The following MAP3K3 variants were observed in gnomAD, a reference collection of about 807,000 sequenced individuals.
The protein encoded by MAP3K3 is MAP/ERK kinase kinase 3.
Under a neutral mutation model 80.9 loss-of-function variants are expected in MAP3K3, and 12 were observed. The observed-to-expected ratio is 0.15, with a 90% CI of 0.10 to 0.24. The LOEUF is 0.24. Ranked by LOEUF, MAP3K3 falls within the 10% of genes least tolerant of loss-of-function variation. The pLI is 1.00. For missense variants in MAP3K3, 596 were observed against 834.7 expected, an observed-to-expected ratio of 0.71 and a Z score of 3.52; for synonymous variants, 272 against 307.1, an observed-to-expected ratio of 0.89 and a Z score of 1.19.
chr17:63,690,260 G>T lies in MAP3K3; in HGVS notation c.1064-4G>T. 6.2e-7 allele frequency: 1 copy of T among 1,613,402 alleles called. No individual in the cohort carries two copies. The highest frequency in any genetic ancestry group is 8.5e-7 in the Non-Finnish European group (1 of 1,179,690). ...AGTAACTCTTTCCTTCTGCTCTCCT[G>T]TAGCTCCCAGTGCCCCCATCAACTG... On this transcript the variant is annotated splice_region_variant and splice_polypyrimidine_tract_variant and intron_variant, in intron 11 of 15. Transcript: ENST00000361733.
At position 63,692,487 on chromosome 17, in the gene MAP3K3, C is replaced by A; in HGVS notation, c.1652+68C>A. ...ATAGTGGCCCCCCATTAGAAACACA[C>A]CCTGGGGACTTTGTGGTGTGGCAGG... is the stretch of plus-strand genomic sequence containing the variant. On this transcript the variant is annotated intron_variant, in intron 15 of 15. Transcript: ENST00000361733. The surrounding 1 kb of genome is among the most constrained non-coding windows in gnomAD (Gnocchi z 4.5). The A allele has an allele frequency of 1.3e-6, 2 of 1,483,624 alleles. No homozygotes were observed. Among genetic ancestry groups the A allele is most frequent in the Non-Finnish European group, 1.8e-6 (2 of 1,107,628 alleles). The allele number at this position is 1,483,624 out of a possible 1,614,324, so 91.9% of individuals were successfully genotyped here.
intron 7 of MAP3K3, among the ~76,000 whole-genome samples, chr17:63,683,878 C>G (rs1430563041): frequency 6.6e-6 from 1 of 151,918 alleles, no homozygotes; most frequent in Non-Finnish European, 1.5e-5. Flanking sequence ...TATGTCAGTC[C>G]GGTCGCAGTG....
chr17:63,627,426 C>T (rs546465782), intron 1 of MAP3K3, among the ~76,000 whole-genome samples: 137 of 151,956 alleles, frequency 9.0e-4, no homozygotes, highest in African/African-American at 2.9e-3. Flanking sequence ...AACTTGTTCA[C>T]GTGTAAAGTT....
intron 12 of MAP3K3, 126 bp downstream of exon 12, chr17:63,690,538 C>A: frequency 1.9e-6 from 2 of 1,031,096 alleles, no homozygotes; most frequent in Non-Finnish European, 1.4e-6. Flanking sequence ...AACTCCCTTT[C>A]TGTCCATCCT....
In MAP3K3 at chr17:63,691,724, G is replaced by T. The variant is rs1223539325; in HGVS notation, c.1345-9G>T. 1.2e-6 allele frequency: 2 copies of T among 1,611,986 alleles called. No homozygotes were observed. The highest frequency in any genetic ancestry group is 4.5e-5 in the East Asian group (2 of 44,816). ...TGAGGGGACTCCTCTGACTTCTTGTGGCCTCCAGGGCTCGGTGAAAGACCA... is the reference window on the plus strand; with the variant it reads ...TGAGGGGACTCCTCTGACTTCTTGTTGCCTCCAGGGCTCGGTGAAAGACCA... On this transcript the variant is annotated splice_polypyrimidine_tract_variant and intron_variant, in intron 13 of 15. Transcript: ENST00000361733. This position sits in a 1 kb window ranked among gnomAD's most constrained non-coding sequence, Gnocchi z 4.8.
chr17:63,646,134 T>C lies in MAP3K3; in HGVS notation c.167+60T>C. 5 of 1,483,642 alleles carry C rather than the reference T, an allele frequency of 3.4e-6. No individual in the cohort carries two copies. The South Asian group carries it at 4.6e-5, about 14-fold the overall frequency. 91.9% of individuals were successfully genotyped at this position (1,483,642 alleles called of 1,614,324 possible). ...GTATGCCAAAGTTCTCAGATAGCAT[T>C]GAGTTCATGGAAGTCATTCCCCTGT... is the stretch of plus-strand genomic sequence containing the variant. On this transcript the variant is annotated intron_variant, in intron 3 of 15. Coordinates refer to ENST00000361733, the MANE Select transcript of MAP3K3 (RefSeq NM_002401.5).
At position 63,689,691 on chromosome 17, in the gene MAP3K3, G is replaced by A; in HGVS notation, c.1019G>A (p.Ser340Asn). 1.2e-6 allele frequency: 2 copies of A among 1,613,994 alleles called. No homozygotes were observed. The highest frequency in any genetic ancestry group is 8.5e-7 in the Non-Finnish European group (1 of 1,179,930). The change falls in exon 11 of 16, where the codon AGC becomes AAC. Residue 340 changes from serine to asparagine, a missense_variant. This residue lies in a region of MAP3K3 where 364 missense variants were observed against 588.9 expected (regional missense o/e 0.62). Coordinates refer to ENST00000361733, the MANE Select transcript of MAP3K3 (RefSeq NM_002401.5). This position sits in a 1 kb window ranked among gnomAD's most constrained non-coding sequence, Gnocchi z 4.3. Reference protein sequence around the residue: ...DPRGRLRSADSENALSVQERN... With the variant: ...DPRGRLRSADNENALSVQERN... ...CGTGGGCGCCTGCGGAGTGCGGACA[G>A]CGAGAATGCCCTCTCTGTGCAGGAG...
intron 6 of MAP3K3, among the ~76,000 whole-genome samples, chr17:63,680,742 G>A (rs1362031424): frequency 6.6e-6 from 1 of 150,892 alleles, no homozygotes; most frequent in East Asian, 1.9e-4. Context: ...GAAAGTACCT[G>A]TTAATTGGTT....
chr17:63,650,888 G>A (rs7217642), intron 3 of MAP3K3, among the ~76,000 whole-genome samples: 2,549 of 151,942 alleles, frequency 0.017, 66 homozygotes, highest in African/African-American at 0.059. Context: ...GTAGGCAGGA[G>A]GGCTCACTAT....
chr17:63,672,005 AG>A (rs1372973741), intron 6 of MAP3K3, among the ~76,000 whole-genome samples: 1 of 151,972 alleles, frequency 6.6e-6, no homozygotes, highest in African/African-American at 2.4e-5. Flanking sequence ...AAATGAGGCC[AG>A]GTTTGGTGGC....
chr17:63,657,908 G>A lies in MAP3K3; in HGVS notation c.381+1G>A. On this transcript the variant is annotated splice_donor_variant, in intron 5 of 15. Coordinates refer to ENST00000361733, the MANE Select transcript of MAP3K3 (RefSeq NM_002401.5). LOFTEE classifies it high-confidence loss of function. ...GCTGTTGTCCCAGGACAGAAACCAT[G>A]TAAGTAGCCCTTGTCATGGTCTGGC... is the stretch of plus-strand genomic sequence containing the variant. The A allele has an allele frequency of 6.5e-6, 10 of 1,532,628 alleles. No individual in the cohort carries two copies. The highest frequency in any genetic ancestry group is 9.0e-6 in the Non-Finnish European group (10 of 1,112,492). The allele number at this position is 1,532,628 out of a possible 1,614,324, so 94.9% of individuals were successfully genotyped here. A position where few individuals can be genotyped will look rare whatever the true frequency, so the allele number is the denominator to read the frequency against.
chr17:63,633,530 A>G (rs145520146), intron 2 of MAP3K3, among the ~76,000 whole-genome samples: 2 of 152,322 alleles, frequency 1.3e-5, no homozygotes, highest in African/African-American at 4.8e-5. Context: ...GGCAATAATG[A>G]GTGATTTTGT....
At chr17:63,643,554 A>G (rs1005974240) in intron 2 of MAP3K3, among the ~76,000 whole-genome samples, 2 of 152,158 alleles carry the variant, frequency 1.3e-5, no homozygotes, top group Non-Finnish European at 2.9e-5. Context: ...TACAAAGGGG[A>G]GAAGGATATA....
chr17:63,630,762 A>C (rs1008965551), intron 1 of MAP3K3, among the ~76,000 whole-genome samples: 1 of 152,180 alleles, frequency 6.6e-6, no homozygotes, highest in Non-Finnish European at 1.5e-5. Flanking sequence ...CCTTTACTGC[A>C]TGCTTTCTAT....
chr17:63,658,238 C>G (rs77341200), intron 5 of MAP3K3, among the ~76,000 whole-genome samples: 1 of 152,140 alleles, frequency 6.6e-6, no homozygotes, highest in African/African-American at 2.4e-5. Context: ...AAATTTGATT[C>G]GTTTGGCAGT....
At chr17:63,663,301 G>A (rs1049990195) in intron 5 of MAP3K3, among the ~76,000 whole-genome samples, 1 of 152,004 alleles carries the variant, frequency 6.6e-6, no homozygotes, top group African/African-American at 2.4e-5. Flanking sequence ...TCAGGAATTT[G>A]ATACCGGCCT....
chr17:63,680,895 G>A (rs1405300072), intron 6 of MAP3K3, among the ~76,000 whole-genome samples: 1 of 151,524 alleles, frequency 6.6e-6, no homozygotes, highest in Non-Finnish European at 1.5e-5. Flanking sequence ...TTGTTGAAAG[G>A]ATTAAGTGAA....
chr17:63,691,613 G>A lies in MAP3K3; in HGVS notation c.1345-120G>A, dbSNP rs747098862. On this transcript the variant is annotated intron_variant, in intron 13 of 15. Coordinates refer to ENST00000361733, the MANE Select transcript of MAP3K3 (RefSeq NM_002401.5). The surrounding 1 kb of genome is among the most constrained non-coding windows in gnomAD (Gnocchi z 4.8). Reference sequence around the variant, plus strand: ...CTGACAGCTCCTGGCAAAATGCCCTGCCCAGCCAGATAGGAATTGAACAAA... The same window carrying A: ...CTGACAGCTCCTGGCAAAATGCCCTACCCAGCCAGATAGGAATTGAACAAA... The A allele has an allele frequency of 7.0e-7, 1 of 1,425,176 alleles. No homozygotes were observed. The highest frequency in any genetic ancestry group is 9.5e-7 in the Non-Finnish European group (1 of 1,051,418). The allele number at this position is 1,425,176 out of a possible 1,614,324, so 88.3% of individuals were successfully genotyped here.
rs1174098694 is a variant in MAP3K3, at chr17:63,693,118, G to A, written c.1653-431G>A. Among the ~76,000 whole-genome samples the A allele has an allele frequency of 6.6e-6, 1 of 152,134 alleles. No individual in the cohort carries two copies. The highest frequency in any genetic ancestry group is 1.5e-5 in the Non-Finnish European group (1 of 68,030). On this transcript the variant is annotated intron_variant, in intron 15 of 15. Coordinates refer to ENST00000361733, the MANE Select transcript of MAP3K3 (RefSeq NM_002401.5). This position sits in a 1 kb window ranked among gnomAD's most constrained non-coding sequence, Gnocchi z 4.2. The stretch of plus-strand genomic sequence containing the variant: ...GCCTCTAGAACCCAGGAAAGGCAAG[G>A]AAACAGGTTCTCCCCTCAGAGCCTC...
Sources: allele counts gnomAD v4.1 joint callset (sites outside exome capture counted in the v4.1 genomes callset), GRCh38; gene constraint gnomAD v4.1.1; regional missense constraint gnomAD v4.1.1; non-coding constraint Gnocchi (gnomAD v3.1); transcripts MANE v1.5; gene names NCBI Gene and HGNC (gene_info 2026-07-23, HGNC 2026-07-21).